The following CAMK1D variants were observed in gnomAD, a reference collection of about 807,000 sequenced individuals.
The protein encoded by CAMK1D is calcium/calmodulin-dependent protein kinase type 1D.
CAMK1D carries 9 observed loss-of-function variants against 47.7 expected under a neutral mutation model. The ratio of observed to expected loss-of-function variants is 0.19; its 90% CI spans 0.11 to 0.33. CAMK1D has a LOEUF of 0.33. CAMK1D is among the 10% of genes least tolerant of loss of function. The pLI is 1.00. For missense variants in CAMK1D, 291 were observed against 488.7 expected (o/e 0.60, Z 3.81); for synonymous variants, 184 against 184.9 (o/e 0.99, Z 0.04).
intron 3 of CAMK1D, among the ~76,000 whole-genome samples, chr10:12,749,837 G>C (rs2130871382): frequency 7.4e-6 from 1 of 135,620 alleles, no homozygotes; most frequent in East Asian, 2.2e-4. Context: ...TGATCCGCCT[G>C]CTTCGTTCGG....
intron 2 of CAMK1D, among the ~76,000 whole-genome samples, chr10:12,586,397 C>T (rs1837817433): frequency 7.4e-6 from 1 of 134,462 alleles, no homozygotes. Context: ...TGTAGTTAGC[C>T]AAGATCACAC....
chr10:12,574,468 A>ATTTTTTTT lies in CAMK1D; in HGVS notation c.224+21134_224+21141dup, dbSNP rs1171556305. On this transcript the variant is annotated intron_variant, in intron 2 of 10. Coordinates refer to ENST00000619168, the MANE Select transcript of CAMK1D (RefSeq NM_153498.4). ...AGGTGCACACCACCACGCCTAGCTAATTTTTTTTTTTTTTTTTTTTTTTTT... is the reference window on the plus strand; with the variant it reads ...AGGTGCACACCACCACGCCTAGCTAATTTTTTTTTTTTTTTTTTTTTTTTTTTTTTTTT... Among the ~76,000 whole-genome samples, 29 of 61,376 alleles carry ATTTTTTTT rather than the reference A, an allele frequency of 4.7e-4. 2 individuals are homozygous for ATTTTTTTT. The highest frequency in any genetic ancestry group is 1.6e-3 in the African/African-American group (22 of 13,604). 40.3% of individuals were successfully genotyped at this position (61,376 alleles called of 152,430 possible). A position where few individuals can be genotyped will look rare whatever the true frequency, so the allele number is the denominator to read the frequency against.
intron 2 of CAMK1D, among the ~76,000 whole-genome samples, chr10:12,610,991 T>G (rs892126232): frequency 2.0e-5 from 3 of 152,220 alleles, no homozygotes; most frequent in Non-Finnish European, 4.4e-5. Flanking sequence ...TACTAGGCAC[T>G]CTTAGGAGTA....
chr10:12,758,817 G>C (rs965361650), intron 3 of CAMK1D, among the ~76,000 whole-genome samples: 20 of 152,182 alleles, frequency 1.3e-4, no homozygotes, highest in African/African-American at 4.1e-4. Flanking sequence ...GTTCTTGCCA[G>C]AGGTCATCCA....
intron 3 of CAMK1D, among the ~76,000 whole-genome samples, chr10:12,752,029 C>T (rs938064097): frequency 6.6e-6 from 1 of 151,466 alleles, no homozygotes; most frequent in African/African-American, 2.4e-5. Flanking sequence ...TCACCCGGGC[C>T]GGAGTGCAAT....
chr10:12,824,949 G>A (rs529687510), intron 9 of CAMK1D, among the ~76,000 whole-genome samples: 1 of 152,238 alleles, frequency 6.6e-6, no homozygotes, highest in South Asian at 2.1e-4. Flanking sequence ...GAGGTTTTGT[G>A]ATCATCTGTT....
intron 1 of CAMK1D, among the ~76,000 whole-genome samples, chr10:12,528,579 C>G (rs1835701497): frequency 6.6e-6 from 1 of 152,146 alleles, no homozygotes; most frequent in Admixed American, 6.5e-5. Flanking sequence ...GTGCTTAGAG[C>G]TGGAAGAGAC....
intron 1 of CAMK1D, among the ~76,000 whole-genome samples, chr10:12,366,022 C>T (rs1313163991): frequency 6.6e-6 from 1 of 152,244 alleles, no homozygotes; most frequent in African/African-American, 2.4e-5. Context: ...CACCAATGCA[C>T]TCCAGTCTGG....
chr10:12,396,017 G>A (rs1838937967), intron 1 of CAMK1D, among the ~76,000 whole-genome samples: 1 of 152,042 alleles, frequency 6.6e-6, no homozygotes, highest in East Asian at 2.0e-4. Context: ...GGGATTACAG[G>A]TGCCCGCCAC....
At chr10:12,647,672 T>A (rs1839849737) in intron 2 of CAMK1D, among the ~76,000 whole-genome samples, 1 of 152,120 alleles carries the variant, frequency 6.6e-6, no homozygotes, top group African/African-American at 2.4e-5. Flanking sequence ...ACCCCTGCTT[T>A]AGGAGATTCT....
At chr10:12,648,618 G>A (rs1839875566) in intron 2 of CAMK1D, among the ~76,000 whole-genome samples, 1 of 152,052 alleles carries the variant, frequency 6.6e-6, no homozygotes. Flanking sequence ...TTACAGGCAT[G>A]CGCCACCATG....
intron 2 of CAMK1D, among the ~76,000 whole-genome samples, chr10:12,651,632 G>T (rs556360105): frequency 6.6e-6 from 1 of 152,080 alleles, no homozygotes; most frequent in South Asian, 2.1e-4. Flanking sequence ...AAACTCCTGG[G>T]TTCAAGTGAT....
At chr10:12,435,285 T>G (rs905624863) in intron 1 of CAMK1D, among the ~76,000 whole-genome samples, 6 of 147,862 alleles carry the variant, frequency 4.1e-5, no homozygotes, top group African/African-American at 1.5e-4. Flanking sequence ...TTGCAGTCCC[T>G]GAACAAGAAG....
intron 2 of CAMK1D, among the ~76,000 whole-genome samples, chr10:12,581,265 C>T (rs934607326): frequency 2.0e-5 from 3 of 152,154 alleles, no homozygotes; most frequent in Non-Finnish European, 2.9e-5. Flanking sequence ...ATATATACCA[C>T]GATTTCCTTA....
intron 6 of CAMK1D, among the ~76,000 whole-genome samples, 178 bp from the exon 7 acceptor site, chr10:12,814,017 G>A (rs1832706630): frequency 3.3e-5 from 5 of 149,790 alleles, no homozygotes; most frequent in Admixed American, 2.7e-4. Context: ...TGGACCTCCT[G>A]GCCTCAAGTG....
chr10:12,386,012 C>T (rs148674588), intron 1 of CAMK1D, among the ~76,000 whole-genome samples: 1,954 of 152,266 alleles, frequency 0.013, 40 homozygotes, highest in African/African-American at 0.036. Context: ...TCCCAAAATG[C>T]TGGGATTACA....
intron 10 of CAMK1D, among the ~76,000 whole-genome samples, chr10:12,828,544 A>G (rs571033219): frequency 2.7e-4 from 41 of 152,128 alleles, no homozygotes; most frequent in Admixed American, 5.9e-4. Context: ...GGGAGGCTGA[A>G]GCACGAGAAT....
At chr10:12,464,200 G>A (rs766254013) in intron 1 of CAMK1D, among the ~76,000 whole-genome samples, 1 of 152,160 alleles carries the variant, frequency 6.6e-6, no homozygotes, top group Non-Finnish European at 1.5e-5. Flanking sequence ...TTTGTCCCGT[G>A]GTTGTTGAGT....
intron 2 of CAMK1D, among the ~76,000 whole-genome samples, chr10:12,656,929 A>C (rs1236693635): frequency 6.6e-6 from 1 of 152,252 alleles, no homozygotes; most frequent in Admixed American, 6.5e-5. Context: ...TTCATTTAAC[A>C]AATGAGAAAT....
Sources: gnomAD v4.1 joint callset for allele counts (sites outside exome capture counted in the v4.1 genomes callset) on GRCh38, gnomAD v4.1.1 for gene constraint, MANE v1.5 for transcripts, NCBI Gene and HGNC (gene_info 2026-07-23, HGNC 2026-07-21) for gene names.